Variants in MEGF10 observed in about 807,000 individuals in gnomAD.
MEGF10 encodes multiple EGF like domains 10.
A neutral mutation model predicts 147.5 loss-of-function variants in MEGF10; 86 were observed. The observed-to-expected ratio is 0.58, with a 90% CI of 0.49 to 0.70. The LOEUF is 0.70. MEGF10 is among the 30% of genes least tolerant of loss of function. The probability of loss-of-function intolerance (pLI) is 0.00; values close to 1 mark genes in which losing one functional copy is unlikely to be tolerated. For missense variants in MEGF10, 1,329 were observed against 1,487.3 expected, an observed-to-expected ratio of 0.89 and a Z score of 1.75; for synonymous variants, 478 against 525.5, an observed-to-expected ratio of 0.91 and a Z score of 1.24.
At chr5:127,454,147 G>T (rs979232961) in intron 22 of MEGF10, among the ~76,000 whole-genome samples, 2 of 152,196 alleles carry the variant, frequency 1.3e-5, no homozygotes, top group Non-Finnish European at 2.9e-5. Flanking sequence ...CATGCTTATA[G>T]TGAAGACAAT....
the MEGF10 span, among the ~76,000 whole-genome samples, chr5:127,256,460 C>T: frequency 7.2e-5 from 11 of 152,094 alleles, no homozygotes; most frequent in African/African-American, 2.7e-4. Context: ...ATTGATGTTT[C>T]CTCAAGGATA....
intron 1 of MEGF10, among the ~76,000 whole-genome samples, chr5:127,313,538 G>A (rs1760389346): frequency 6.6e-6 from 1 of 152,196 alleles, no homozygotes; most frequent in Middle Eastern, 3.4e-3. Context: ...TTATATGCAC[G>A]GACACATATA....
chr5:127,448,579 CTATAGATTTTAAT>C (rs1766036539), intron 21 of MEGF10, among the ~76,000 whole-genome samples: 1 of 152,150 alleles, frequency 6.6e-6, no homozygotes, highest in Admixed American at 6.5e-5. Flanking sequence ...ATTAATGCAG[CTATAGATTTTAAT>C]TATAGTGCTT....
At chr5:127,254,194 A>G in the MEGF10 span, among the ~76,000 whole-genome samples, 2 of 152,036 alleles carry the variant, frequency 1.3e-5, no homozygotes, top group Non-Finnish European at 2.9e-5. Context: ...ACTTCCTACT[A>G]TTGAAGATAA....
chr5:127,251,684 A>G, the MEGF10 span, among the ~76,000 whole-genome samples: 1 of 152,054 alleles, frequency 6.6e-6, no homozygotes, highest in African/African-American at 2.4e-5. Context: ...CAAAAAGCCA[A>G]ACATAAAAGT....
chr5:127,281,371 G>A, the MEGF10 span, among the ~76,000 whole-genome samples: 2 of 152,180 alleles, frequency 1.3e-5, no homozygotes, highest in African/African-American at 4.8e-5. Context: ...ATTGTTTTCA[G>A]GCATGCTTTG....
intron 4 of MEGF10, among the ~76,000 whole-genome samples, chr5:127,351,394 A>G (rs187739200): frequency 6.6e-6 from 1 of 152,234 alleles, no homozygotes; most frequent in East Asian, 1.9e-4. Flanking sequence ...TATATTGTAG[A>G]CATATTTTCT....
In MEGF10 at chr5:127,445,495, C is replaced by A. The variant is rs1765909318; in HGVS notation, c.2530C>A (p.Arg844=). The stretch of plus-strand genomic sequence containing the variant: ...AGTTGGAAATCTGAACAGCTTAAGC[C>A]GAACCAGTACTGCTCTCCCTGCTGA... The part of the protein sequence containing the change: ...IIVGNLNSLS[R]TSTALPADSY... Residue 844 remains arginine (R), a synonymous_variant, in exon 20 of 25, where the codon CGA becomes AGA. Coordinates refer to ENST00000503335, the MANE Select transcript of MEGF10 (RefSeq NM_001256545.2). 1.9e-6 allele frequency: 3 copies of A among 1,613,926 alleles called. No individual in the cohort carries two copies. In the African/African-American group the frequency reaches 4.0e-5, roughly 22 times the overall value.
the MEGF10 span, among the ~76,000 whole-genome samples, chr5:127,237,945 T>G: frequency 6.6e-6 from 1 of 152,064 alleles, no homozygotes; most frequent in East Asian, 1.9e-4. Flanking sequence ...CCCTATGTAG[T>G]TCTCATTAAA....
At chr5:127,341,520 C>G (rs1254324076) in intron 4 of MEGF10, among the ~76,000 whole-genome samples, 4 of 152,112 alleles carry the variant, frequency 2.6e-5, no homozygotes, top group Non-Finnish European at 1.5e-5. Flanking sequence ...CTCAGATAAA[C>G]CATTTATACG....
intron 4 of MEGF10, among the ~76,000 whole-genome samples, chr5:127,363,123 A>G (rs1762535738): frequency 6.6e-6 from 1 of 152,192 alleles, no homozygotes. Context: ...CTTAAAATGT[A>G]TGGCAGAAGT....
chr5:127,231,690 A>C, the MEGF10 span, among the ~76,000 whole-genome samples: 1 of 152,216 alleles, frequency 6.6e-6, no homozygotes, highest in African/African-American at 2.4e-5. Context: ...AATACTCAAA[A>C]ATATTTGTTG....
intron 7 of MEGF10, among the ~76,000 whole-genome samples, chr5:127,402,164 A>G (rs930661391): frequency 1.3e-5 from 2 of 152,210 alleles, no homozygotes; most frequent in African/African-American, 4.8e-5. Context: ...CGGATGCTCA[A>G]TAAGTATTGT....
chr5:127,358,857 C>A (rs921476823), intron 4 of MEGF10, among the ~76,000 whole-genome samples: 2 of 152,038 alleles, frequency 1.3e-5, no homozygotes, highest in African/African-American at 2.4e-5. Context: ...ATGTTACTTA[C>A]GTTACTTAAA....
intron 17 of MEGF10, among the ~76,000 whole-genome samples, chr5:127,439,156 C>T (rs1226740322): frequency 6.6e-6 from 1 of 152,132 alleles, no homozygotes; most frequent in Non-Finnish European, 1.5e-5. Flanking sequence ...TAGTTCTTTT[C>T]CCCATTTTGT....
chr5:127,436,918 A>C (rs1438297739), intron 16 of MEGF10, among the ~76,000 whole-genome samples: 1 of 152,202 alleles, frequency 6.6e-6, no homozygotes, highest in African/African-American at 2.4e-5. Flanking sequence ...GAAAACTTAA[A>C]GGGGTACATT....
intron 8 of MEGF10, among the ~76,000 whole-genome samples, chr5:127,407,748 G>A (rs1175114363): frequency 1.3e-5 from 2 of 152,170 alleles, no homozygotes; most frequent in African/African-American, 4.8e-5. Context: ...AAGATAAAGA[G>A]ACCAAGAAGG....
Position 127,438,541 on chromosome 5 carries a change from G to T in MEGF10, c.2207G>T (p.Gly736Val). 2 of 1,614,088 alleles carry T rather than the reference G, an allele frequency of 1.2e-6. No individual in the cohort carries two copies. The change falls in exon 17 of 25, where the codon GGC becomes GTC. Residue 736 changes from glycine to valine, a missense_variant. Gly to Val is a moderately radical substitution (Grantham distance 109, BLOSUM62 -3). Around this residue, in one of 3 missense-constraint regions of MEGF10, gnomAD observed 980 missense variants for 1,085.9 expected, o/e 0.90. Coordinates refer to ENST00000503335, the MANE Select transcript of MEGF10 (RefSeq NM_001256545.2). ...AYDGECKCTP[G>V]WTGLYCTQRC... is the part of the protein sequence containing the mutation. ...GATGGGGAATGTAAATGCACTCCTG[G>T]CTGGACAGGGCTCTACTGCACTCAG...
intron 15 of MEGF10, 38 bp from the exon 16 acceptor site, chr5:127,435,323 T>A: frequency 2.5e-6 from 4 of 1,608,868 alleles, no homozygotes; most frequent in Non-Finnish European, 3.4e-6. Context: ...GCGAGAGGGG[T>A]TTTGATTGTG....
Sources: gnomAD v4.1 joint callset for allele counts (sites outside exome capture counted in the v4.1 genomes callset) on GRCh38, gnomAD v4.1.1 for gene constraint, gnomAD v4.1.1 regional missense constraint, MANE v1.5 for transcripts, NCBI Gene and HGNC (gene_info 2026-07-23, HGNC 2026-07-21) for gene names.